Variants in RAB7A observed in about 807,000 individuals in gnomAD.
RAB7A encodes the protein RAB7A, member RAS oncogene family.
In RAB7A, 2 loss-of-function variants were observed where a neutral mutation model predicts 24.5. The ratio of observed to expected loss-of-function variants is 0.08; its 90% CI spans 0.03 to 0.26. The LOEUF is 0.26. Ranked by LOEUF, RAB7A falls within the 10% of genes least tolerant of loss-of-function variation. The pLI, the probability that RAB7A is intolerant of heterozygous loss-of-function variation, is 1.00. For synonymous variants in RAB7A, 100 were observed against 95.9 expected (o/e 1.04, Z -0.25); for missense variants, 118 against 255.7 (o/e 0.46, Z 3.67).
intron 1 of RAB7A, among the ~76,000 whole-genome samples, chr3:128,737,507 G>A (rs1002569630): frequency 6.6e-6 from 1 of 151,204 alleles, no homozygotes; most frequent in Non-Finnish European, 1.5e-5. Context: ...CCATGCCCCA[G>A]CTAATTTTTT....
At chr3:128,754,753 C>T (rs1283331228) in intron 1 of RAB7A, among the ~76,000 whole-genome samples, 2 of 152,112 alleles carry the variant, frequency 1.3e-5, no homozygotes, top group African/African-American at 2.4e-5. Flanking sequence ...GGGGTTGCTA[C>T]ACTAATATCA....
At chr3:128,770,401 C>T (rs574362411) in intron 1 of RAB7A, among the ~76,000 whole-genome samples, 7 of 152,296 alleles carry the variant, frequency 4.6e-5, no homozygotes, top group Non-Finnish European at 8.8e-5. Flanking sequence ...GGAGCTCAGT[C>T]CAAATCAGTG....
At chr3:128,793,146 C>T (rs1933494886) in intron 1 of RAB7A, among the ~76,000 whole-genome samples, 1 of 152,234 alleles carries the variant, frequency 6.6e-6, no homozygotes, top group South Asian at 2.1e-4. Context: ...GCCTCAGCCT[C>T]CTGAGTAGCT....
chr3:128,771,770 C>T (rs1576287461), intron 1 of RAB7A, among the ~76,000 whole-genome samples: 1 of 152,180 alleles, frequency 6.6e-6, no homozygotes, highest in African/African-American at 2.4e-5. Context: ...GGAGTCTCTT[C>T]GTTCTGTTAT....
rs569963679 is a variant in RAB7A, at chr3:128,756,978, G to C, written c.-9+30619G>C. 3.9e-4 allele frequency among the ~76,000 whole-genome samples: 60 copies of C among 152,046 alleles called. 2 individuals are homozygous for C. In the South Asian group the frequency reaches 0.012, roughly 30 times the overall value. The stretch of plus-strand genomic sequence containing the variant: ...CCTGCTTCAGCTTCCCAAGTAGCTG[G>C]GACTACAGGCGCGCACCACCACGCC... On this transcript the variant is annotated intron_variant, in intron 1 of 5. Transcript: ENST00000265062.
intron 1 of RAB7A, among the ~76,000 whole-genome samples, chr3:128,757,054 A>G (rs2070735296): frequency 6.6e-6 from 1 of 151,996 alleles, no homozygotes; most frequent in Admixed American, 6.6e-5. Context: ...CATATTGCCC[A>G]GGCTGGGCTT....
At chr3:128,754,400 AG>A (rs2070712256) in intron 1 of RAB7A, among the ~76,000 whole-genome samples, 1 of 152,230 alleles carries the variant, frequency 6.6e-6, no homozygotes, top group Admixed American at 6.5e-5. Context: ...GTAACCAAAA[AG>A]AAAATAACTG....
intron 3 of RAB7A, among the ~76,000 whole-genome samples, chr3:128,799,520 G>A (rs1172126773): frequency 6.6e-6 from 1 of 152,144 alleles, no homozygotes; most frequent in Non-Finnish European, 1.5e-5. Context: ...GTAGGTTAAA[G>A]GTAGAAATTT....
intron 1 of RAB7A, among the ~76,000 whole-genome samples, chr3:128,781,094 C>T (rs1288778621): frequency 1.3e-5 from 2 of 152,140 alleles, no homozygotes; most frequent in South Asian, 2.1e-4. Flanking sequence ...TAGCTGAATG[C>T]ATAATTTGTA....
chr3:128,809,868 G>C (rs1933882823), intron 5 of RAB7A, among the ~76,000 whole-genome samples: 1 of 147,318 alleles, frequency 6.8e-6, no homozygotes. Flanking sequence ...TGATGTCCAT[G>C]CCATGTTCCC....
intron 1 of RAB7A, among the ~76,000 whole-genome samples, chr3:128,772,698 G>C (rs1267556360): frequency 6.6e-6 from 1 of 152,224 alleles, no homozygotes; most frequent in Non-Finnish European, 1.5e-5. Flanking sequence ...ATCTGATTTG[G>C]AAGACTCAAT....
chr3:128,810,053 G>T (rs1298829015), intron 5 of RAB7A, among the ~76,000 whole-genome samples: 2 of 145,810 alleles, frequency 1.4e-5, no homozygotes, highest in Non-Finnish European at 3.0e-5. Context: ...GGTTCAAGCG[G>T]TTCTCCTGCC....
intron 2 of RAB7A, among the ~76,000 whole-genome samples, chr3:128,797,493 TCTG>T (rs780324534): frequency 1.2e-4 from 18 of 152,234 alleles, no homozygotes; most frequent in Non-Finnish European, 2.2e-4. Context: ...GTGGTGTGTG[TCTG>T]CTGAAAGCCA....
At chr3:128,744,484 A>G (rs1318246994) in intron 1 of RAB7A, among the ~76,000 whole-genome samples, 1 of 152,240 alleles carries the variant, frequency 6.6e-6, no homozygotes, top group African/African-American at 2.4e-5. Flanking sequence ...ATGCATTATT[A>G]TCGACTACAT....
intron 1 of RAB7A, among the ~76,000 whole-genome samples, chr3:128,746,192 C>T (rs1035819199): frequency 1.3e-5 from 2 of 152,196 alleles, no homozygotes; most frequent in African/African-American, 4.8e-5. Flanking sequence ...CATTATTTCT[C>T]TCTCCCACCA....
At chr3:128,764,925 G>A (rs528390577) in intron 1 of RAB7A, 2 of 1,587,646 alleles carry the variant, frequency 1.3e-6, no homozygotes, top group African/African-American at 1.3e-5. Context: ...AAACGTAGGA[G>A]GCGTAGAGCT....
At position 128,737,825 on chromosome 3, in the gene RAB7A, GTTTTTTTTTTTTT is replaced by G. The variant is rs56027163; in HGVS notation, c.-9+11486_-9+11498del. 2.0e-3 allele frequency among the ~76,000 whole-genome samples: 117 copies of G among 59,490 alleles called. 1 individual carries two copies. The highest frequency in any genetic ancestry group is 9.6e-3 in the East Asian group (8 of 834). The allele number at this position is 59,490 out of a possible 152,430, so 39.0% of individuals were successfully genotyped here. On this transcript the variant is annotated intron_variant, in intron 1 of 5. Transcript: ENST00000265062. The stretch of plus-strand genomic sequence containing the variant: ...CACCACATCTGGCTATTTTTTTGTA[GTTTTTTTTTTTTT>G]TTTTTTTTTTTTTTTTTTTAAGAGA...
intron 1 of RAB7A, 47 bp from the exon 2 acceptor site, chr3:128,795,313 T>C: frequency 6.6e-7 from 1 of 1,508,078 alleles, no homozygotes; most frequent in Admixed American, 1.7e-5. Flanking sequence ...TGTTTTGTTT[T>C]GGTGTTTCCA....
chr3:128,758,791 T>C (rs2070753635), intron 1 of RAB7A, among the ~76,000 whole-genome samples: 1 of 152,202 alleles, frequency 6.6e-6, no homozygotes, highest in South Asian at 2.1e-4. Flanking sequence ...TCCTTGAACA[T>C]GATCCTTTGG....
Sources: allele counts gnomAD v4.1 joint callset (sites outside exome capture counted in the v4.1 genomes callset), GRCh38; gene constraint gnomAD v4.1.1; transcripts MANE v1.5; gene names NCBI Gene and HGNC (gene_info 2026-07-23, HGNC 2026-07-21).